The following HSPG2 variants were observed in gnomAD, a reference collection of about 807,000 sequenced individuals.
HSPG2 encodes the protein basement membrane-specific heparan sulfate proteoglycan core protein.
In HSPG2, 278 loss-of-function variants were observed where a neutral mutation model predicts 526.6. That is an observed-to-expected ratio of 0.53 (90% CI 0.48 to 0.58). The LOEUF (loss-of-function observed/expected upper bound fraction) is 0.58. HSPG2 is among the 20% of genes least tolerant of loss of function. HSPG2 has a pLI of 0.00. For synonymous variants in HSPG2, 2,465 were observed against 2,555.4 expected (o/e 0.96, Z 1.07); for missense variants, 5,354 against 6,099.5 (o/e 0.88, Z 4.07).
rs190892718 is a variant in HSPG2 at position 21,929,503 on chromosome 1, G to A, written c.63+7652C>T. On this transcript the variant is annotated intron_variant, in intron 1 of 96. Coordinates refer to ENST00000374695, the MANE Select transcript of HSPG2 (RefSeq NM_005529.7). ...GTTCACTGCAACCTCCACCTCCTGG[G>A]CTCAAGTGATCCTCCTACCTTGGTC... Among the ~76,000 whole-genome samples, 219 of 151,486 alleles carry A rather than the reference G, an allele frequency of 1.4e-3. 1 individual carries two copies. The highest frequency in any genetic ancestry group is 1.7e-3 in the Non-Finnish European group (116 of 67,908).
At chr1:21,838,135 CAAAAAAAAAAA>C (rs35291473) in intron 74 of HSPG2, among the ~76,000 whole-genome samples, 1 of 75,278 alleles carries the variant, frequency 1.3e-5, no homozygotes, top group African/African-American at 5.7e-5. Flanking sequence ...GATTCTGTCT[CAAAAAAAAAAA>C]AAAAAAAAAA....
chr1:21,845,028 A>G (rs754421245), intron 64 of HSPG2, among the ~76,000 whole-genome samples: 7 of 152,188 alleles, frequency 4.6e-5, no homozygotes, highest in Non-Finnish European at 7.3e-5. Flanking sequence ...TGGGCGGATC[A>G]TGAGGTCAGG....
Position 21,899,605 on chromosome 1 carries a change from C to G in HSPG2, c.64-3295G>C, listed in dbSNP as rs1267662038. On this transcript the variant is annotated intron_variant, in intron 1 of 96. Coordinates refer to ENST00000374695, the MANE Select transcript of HSPG2 (RefSeq NM_005529.7). ...CCACTGTGCTATATCACCTCTGTGA[C>G]CAGGGGTATGCAATGAAGCAGATAT... Among the ~76,000 whole-genome samples, 5 of 152,168 alleles carry G rather than the reference C, an allele frequency of 3.3e-5. No individual in the cohort carries two copies. The South Asian group carries it at 8.3e-4, about 25-fold the overall frequency.
At position 21,890,448 on chromosome 1, in the gene HSPG2, A is replaced by C. The variant is rs1642274242; in HGVS notation, c.392T>G (p.Val131Gly). 6.2e-7 allele frequency: 1 copy of C among 1,612,856 alleles called. No homozygotes were observed. The highest frequency in any genetic ancestry group is 1.3e-5 in the African/African-American group (1 of 74,458). Residue 131 changes from valine to glycine, a missense_variant, in exon 5 of 97, where the codon GTT (valine) becomes GGT (glycine). Val to Gly is a moderately radical substitution (Grantham distance 109). Coordinates refer to ENST00000374695, the MANE Select transcript of HSPG2 (RefSeq NM_005529.7). The surrounding 1 kb of genome is among the most constrained non-coding windows in gnomAD (Gnocchi z 4.1). Reference protein sequence around the residue: ...SEYLKIPGDQVVSVVFIKELD... With the variant: ...SEYLKIPGDQGVSVVFIKELD... ...TCACTTGATGAACACCACACTGACA[A>C]CCTGGTCTCCGGGAATTTTCAAGTA...
Position 21,839,693 on chromosome 1 carries a change from GCTA to G in HSPG2, c.9709+126_9709+128del. 1 of 1,365,668 alleles carries G rather than the reference GCTA, an allele frequency of 7.3e-7. No individual in the cohort carries two copies. Among genetic ancestry groups the G allele is most frequent in the Non-Finnish European group, 1.0e-6 (1 of 982,926 alleles). 84.6% of individuals were successfully genotyped at this position (1,365,668 alleles called of 1,614,324 possible). On this transcript the variant is annotated intron_variant, in intron 72 of 96. Coordinates refer to ENST00000374695, the MANE Select transcript of HSPG2 (RefSeq NM_005529.7). The surrounding 1 kb of genome is among the most constrained non-coding windows in gnomAD (Gnocchi z 4.5). ...GGTTCCTCGGCCATCACTGGGGGATGCTAGCAACACGGTCTCCCCGTACTCCCC... is the reference window on the plus strand; with the variant it reads ...GGTTCCTCGGCCATCACTGGGGGATGGCAACACGGTCTCCCCGTACTCCCC...
At chr1:21,905,155 C>T (rs1398691958) in intron 1 of HSPG2, among the ~76,000 whole-genome samples, 1 of 144,766 alleles carries the variant, frequency 6.9e-6, no homozygotes, top group African/African-American at 2.6e-5. Context: ...TGTCTACACA[C>T]ACACCCACCA....
chr1:21,853,427 C>G (rs1223421807), intron 50 of HSPG2, among the ~76,000 whole-genome samples: 1 of 152,186 alleles, frequency 6.6e-6, no homozygotes, highest in Non-Finnish European at 1.5e-5. Context: ...AAGTACTTTC[C>G]ATAGACACTG....
In HSPG2 at chr1:21,874,974, C is replaced by T; in HGVS notation, c.3331G>A (p.Val1111Met). The T allele has an allele frequency of 6.2e-7, 1 of 1,607,496 alleles. No homozygotes were observed. The highest frequency in any genetic ancestry group is 8.5e-7 in the Non-Finnish European group (1 of 1,177,122). The stretch of plus-strand genomic sequence containing the variant: ...GGGTCCTGGCCGGTTTCCTCGGGCA[C>T]AGCCACGTCCATGCTGATGCCAGAG... ...RVSGISMDVA[V>M]PEETGQDPAL... Residue 1111 changes from valine (V) to methionine (M), a missense_variant, in exon 26 of 97, where the codon GTG (valine) becomes ATG (methionine). Physicochemically the swap from Val to Met is conservative, Grantham distance 21. Coordinates refer to ENST00000374695, the MANE Select transcript of HSPG2 (RefSeq NM_005529.7).
At chr1:21,888,595 T>C (rs2445140) in intron 6 of HSPG2, 1,169,010 of 1,173,456 alleles carry the variant, frequency 1, 582,400 homozygotes, top group South Asian at 1. Context: ...CGTGAGCCCC[T>C]GCACCCGGCC....
At chr1:21,863,060 C>CAAAAAAAAAAAAAAAAAAAAAA (rs60890297) in intron 37 of HSPG2, among the ~76,000 whole-genome samples, 4 of 31,234 alleles carry the variant, frequency 1.3e-4, no homozygotes, top group Non-Finnish European at 1.6e-4. Flanking sequence ...GACTCCATCT[C>CAAAAAAAAAAAAAAAAAAAAAA]AAAAAAAAAA....
In HSPG2 at chr1:21,829,477, C is replaced by T; in HGVS notation, c.11898G>A (p.Leu3966=). 6.2e-7 allele frequency: 1 copy of T among 1,613,410 alleles called. No homozygotes were observed. The highest frequency in any genetic ancestry group is 1.3e-5 in the African/African-American group (1 of 75,060). ...EFKPLAPDGV[L]LFSGGKSGPV... is the part of the protein sequence containing the mutation. Reference sequence around the variant, plus strand: ...GCCCGCTCTTCCCCCCGCTGAACAGCAGGACCCCGTCAGGGGCGAGTGGCT... The same window carrying T: ...GCCCGCTCTTCCCCCCGCTGAACAGTAGGACCCCGTCAGGGGCGAGTGGCT... Residue 3966 remains leucine, a synonymous_variant, in exon 87 of 97, where the codon CTG becomes CTA. Transcript: ENST00000374695.
Position 21,851,900 on chromosome 1 carries a change from G to A in HSPG2, c.6897C>T (p.Phe2299=). The part of the protein sequence containing the change: ...HQVRGSRLYI[F]QASPADAGQY... ...GTCCCGCATCGGCAGGTGAGGCCTG[G>A]AAGATGTACAGGCGGGAGCCACGAA... The change falls in exon 54 of 97, where the codon TTC becomes TTT. Residue 2299 remains phenylalanine (F), a synonymous_variant. Transcript: ENST00000374695. 6.2e-7 allele frequency: 1 copy of A among 1,610,212 alleles called. No homozygotes were observed. The highest frequency in any genetic ancestry group is 8.5e-7 in the Non-Finnish European group (1 of 1,178,790).
intron 1 of HSPG2, among the ~76,000 whole-genome samples, chr1:21,934,710 C>A (rs1178924147): frequency 6.6e-6 from 1 of 151,888 alleles, no homozygotes; most frequent in Non-Finnish European, 1.5e-5. Flanking sequence ...ATTCTCCTGC[C>A]TCAGCCTCCG....
intron 1 of HSPG2, among the ~76,000 whole-genome samples, chr1:21,934,039 G>A (rs985699256): frequency 3.9e-5 from 6 of 152,270 alleles, no homozygotes; most frequent in African/African-American, 9.6e-5. Context: ...CTGCAGGGCC[G>A]CCCTAAAGGG....
At chr1:21,906,025 A>G (rs1259768806) in intron 1 of HSPG2, among the ~76,000 whole-genome samples, 1 of 152,242 alleles carries the variant, frequency 6.6e-6, no homozygotes, top group East Asian at 1.9e-4. Context: ...ACAATTAATT[A>G]GTTAATTAAT....
At position 21,828,130 on chromosome 1, in the gene HSPG2, C is replaced by G. The variant is rs780639155; in HGVS notation, c.12432G>C (p.Glu4144Asp). 3.1e-6 allele frequency: 5 copies of G among 1,612,916 alleles called. No homozygotes were observed. The highest frequency in any genetic ancestry group is 1.7e-4 in the Middle Eastern group (1 of 6,052). ...AGGGTTCACGGAGCTGGCAGGGGTT[C>G]TCCTCGTGCTCACACAGGTCTCCTG... ...GFKGDLCEHE[E>D]NPCQLREPCL... Residue 4144 changes from glutamate to aspartate, a missense_variant, in exon 90 of 97, where the codon GAG (glutamate) becomes GAC (aspartate). Physicochemically the swap from Glu to Asp is conservative, Grantham distance 45 (BLOSUM62 2). Transcript: ENST00000374695. The surrounding 1 kb of genome is among the most constrained non-coding windows in gnomAD (Gnocchi z 6.0).
intron 1 of HSPG2, among the ~76,000 whole-genome samples, chr1:21,907,133 G>A (rs989774215): frequency 3.9e-5 from 6 of 152,180 alleles, no homozygotes; most frequent in Non-Finnish European, 7.4e-5. Flanking sequence ...CCTGTCGGAG[G>A]TGAAAGAGAA....
Position 21,890,685 on chromosome 1 carries a change from C to T in HSPG2, c.254G>A (p.Arg85Gln), listed in dbSNP as rs780655396. 14 of 1,612,520 alleles carry T rather than the reference C, an allele frequency of 8.7e-6. No homozygotes were observed. Among genetic ancestry groups the T allele is most frequent in the Admixed American group, 1.7e-5 (1 of 59,996 alleles). The part of the protein sequence containing the change: ...GSGDFQMVYF[R>Q]ALVNFTRSIE... The stretch of plus-strand genomic sequence containing the variant: ...GGAGCGAGTGAAATTCACCAGGGCT[C>T]GGAAATAAACTGGAAAATCGAAGGA... The change falls in exon 4 of 97, where the codon CGA (arginine) becomes CAA (glutamine). Residue 85 changes from arginine to glutamine, a missense_variant. Physicochemically the swap from Arg to Gln is conservative, Grantham distance 43. Transcript: ENST00000374695. The surrounding 1 kb of genome is among the most constrained non-coding windows in gnomAD (Gnocchi z 4.1).
intron 1 of HSPG2, among the ~76,000 whole-genome samples, chr1:21,912,018 C>T (rs1326238871): frequency 2.0e-5 from 3 of 152,230 alleles, no homozygotes; most frequent in Non-Finnish European, 2.9e-5. Flanking sequence ...AGTTTGGATG[C>T]AGAGGTATTC....
Sources: allele counts gnomAD v4.1 joint callset (sites outside exome capture counted in the v4.1 genomes callset), GRCh38; gene constraint gnomAD v4.1.1; non-coding constraint Gnocchi (gnomAD v3.1); transcripts MANE v1.5; gene names NCBI Gene and HGNC (gene_info 2026-07-23, HGNC 2026-07-21).